NPAS2: variants seen among roughly 807,000 people sequenced by gnomAD.
NPAS2 encodes neuronal PAS domain-containing protein 2.
NPAS2 carries 23 observed loss-of-function variants against 107.5 expected under a neutral mutation model. That is an observed-to-expected ratio of 0.21 (90% CI 0.15 to 0.30). The LOEUF is 0.30. Among genes scored for constraint, NPAS2 ranks in the 10% least tolerant of loss-of-function variants. The pLI, the probability that NPAS2 is intolerant of heterozygous loss-of-function variation, is 1.00. For missense variants in NPAS2, 756 were observed against 1,043.3 expected (o/e 0.72, Z 3.79); for synonymous variants, 403 against 417.5 (o/e 0.97, Z 0.42).
intron 12 of NPAS2, among the ~76,000 whole-genome samples, chr2:100,973,175 T>C (rs1247391484): frequency 2.0e-5 from 3 of 150,620 alleles, no homozygotes; most frequent in Non-Finnish European, 3.0e-5. Flanking sequence ...CGAGACTCCG[T>C]CTCAAAAAAA....
intron 15 of NPAS2, among the ~76,000 whole-genome samples, chr2:100,980,431 G>T (rs2105271603): frequency 6.6e-6 from 1 of 152,202 alleles, no homozygotes; most frequent in East Asian, 1.9e-4. Context: ...TTGTGAGTCT[G>T]GGATAGCGCA....
intron 1 of NPAS2, among the ~76,000 whole-genome samples, chr2:100,893,284 G>A (rs1681198006): frequency 6.6e-6 from 1 of 152,178 alleles, no homozygotes; most frequent in Non-Finnish European, 1.5e-5. Flanking sequence ...GACTGGCTGG[G>A]AGGACAGAAG....
chr2:100,988,138 TCAGCAG>T lies in NPAS2; in HGVS notation c.1694_1699del (p.Gln565_Gln566del). 1 of 1,614,194 alleles carries T rather than the reference TCAGCAG, an allele frequency of 6.2e-7. No individual in the cohort carries two copies. Among genetic ancestry groups the T allele is most frequent in the Non-Finnish European group, 8.5e-7 (1 of 1,180,040 alleles). On this transcript the variant is annotated inframe_deletion, in exon 17 of 21. Coordinates refer to ENST00000335681, the MANE Select transcript of NPAS2 (RefSeq NM_002518.4). ...TCAGCAGCACCCAGCGACCTGAGGC[TCAGCAG>T]CAGCTACAGCAAAGGTCAGCTGCAG... is the stretch of plus-strand genomic sequence containing the variant.
chr2:100,835,427 A>C lies in NPAS2; in HGVS notation c.-23+15013A>C, dbSNP rs921400287. Among the ~76,000 whole-genome samples the C allele has an allele frequency of 1.1e-4, 16 of 152,164 alleles. No homozygotes were observed. In the East Asian group the frequency reaches 3.1e-3, roughly 29 times the overall value. On this transcript the variant is annotated intron_variant, in intron 1 of 20. Coordinates refer to ENST00000335681, the MANE Select transcript of NPAS2 (RefSeq NM_002518.4). ...AGGTCACTGTGCGGCGGCTGGGTGC[A>C]TGCCGGAGTAGGAAACCACTCCAGT...
At chr2:100,986,748 T>C (rs964008433) in intron 16 of NPAS2, 1 of 152,238 alleles carries the variant, frequency 6.6e-6, no homozygotes, top group Non-Finnish European at 1.5e-5. Context: ...AAAAGAGCAA[T>C]GCTCTAACTA....
chr2:100,840,347 G>GT (rs941552288), intron 1 of NPAS2, among the ~76,000 whole-genome samples: 1 of 152,134 alleles, frequency 6.6e-6, no homozygotes, highest in Non-Finnish European at 1.5e-5. Context: ...GGGACCACGT[G>GT]TTTTTTCTCC....
At chr2:100,834,416 C>T (rs534413066) in intron 1 of NPAS2, among the ~76,000 whole-genome samples, 1 of 152,168 alleles carries the variant, frequency 6.6e-6, no homozygotes, top group African/African-American at 2.4e-5. Context: ...CAGGGAGAAA[C>T]AAGGACAAGG....
intron 1 of NPAS2, among the ~76,000 whole-genome samples, chr2:100,865,305 G>A (rs542446482): frequency 5.9e-5 from 9 of 152,294 alleles, no homozygotes; most frequent in Middle Eastern, 3.4e-3. Flanking sequence ...GAAGCAGGTC[G>A]TGCTGCCGCC....
intron 6 of NPAS2, among the ~76,000 whole-genome samples, chr2:100,949,104 C>G (rs1255385509): frequency 6.6e-6 from 1 of 152,186 alleles, no homozygotes; most frequent in African/African-American, 2.4e-5. Flanking sequence ...CTAATCAATG[C>G]CAACATTACC....
chr2:100,941,866 T>A (rs1674595338), intron 5 of NPAS2, among the ~76,000 whole-genome samples: 1 of 152,200 alleles, frequency 6.6e-6, no homozygotes, highest in African/African-American at 2.4e-5. Context: ...GTTAGCTTCC[T>A]GGGTTACTTT....
chr2:100,990,820 T>C lies in NPAS2; in HGVS notation c.2059T>C (p.Ser687Pro), dbSNP rs1347560480. The C allele has an allele frequency of 6.2e-7, 1 of 1,613,866 alleles. No individual in the cohort carries two copies. Residue 687 changes from serine to proline, a missense_variant, in exon 19 of 21, where the codon TCC (serine) becomes CCC (proline). Around this residue, in one of 4 missense-constraint regions of NPAS2, gnomAD observed 496 missense variants for 594.4 expected, o/e 0.83. Transcript: ENST00000335681. ...GCCCATCCAGCCCATGATGCCCGGG[T>C]CCTGTGACGCAAGGCAGCCCTCGGA... ...SQPIQPMMPGSCDARQPSEVS... is the reference protein window; with the variant it reads ...SQPIQPMMPGPCDARQPSEVS...
chr2:100,949,736 G>A (rs756945467), intron 7 of NPAS2, among the ~76,000 whole-genome samples: 1 of 152,054 alleles, frequency 6.6e-6, no homozygotes, highest in Non-Finnish European at 1.5e-5. Flanking sequence ...ATTTATCTTC[G>A]GGCTGATGAA....
At chr2:100,970,907 A>C in intron 11 of NPAS2, 83 bp from the exon 12 acceptor site, 1 of 1,241,190 alleles carries the variant, frequency 8.1e-7, no homozygotes, top group Non-Finnish European at 1.2e-6. Flanking sequence ...GAGAACCTCG[A>C]TGTACCTTGC....
intron 16 of NPAS2, chr2:100,985,613 T>A (rs1213789000): frequency 6.6e-6 from 1 of 152,246 alleles, no homozygotes; most frequent in Non-Finnish European, 1.5e-5. Context: ...ACAGTTTTTA[T>A]ATGCCCAAAG....
At position 100,878,174 on chromosome 2, in the gene NPAS2, G is replaced by A. The variant is rs115989349; in HGVS notation, c.-22-26559G>A. 7.7e-4 allele frequency: 760 copies of A among 985,410 alleles called. 1 individual carries two copies. In the African/African-American group the frequency reaches 0.012, roughly 15 times the overall value. 61.0% of individuals were successfully genotyped at this position (985,410 alleles called of 1,614,324 possible). A position where few individuals can be genotyped will look rare whatever the true frequency, so the allele number is the denominator to read the frequency against. On this transcript the variant is annotated intron_variant, in intron 1 of 20. Coordinates refer to ENST00000335681, the MANE Select transcript of NPAS2 (RefSeq NM_002518.4). ...CAGCCTCCAGGGACCAGGTCAGTGC[G>A]TGTGGCCGTGCAAGGAGCAGTGGCC...
At chr2:100,920,152 G>C (rs1683131912) in intron 2 of NPAS2, among the ~76,000 whole-genome samples, 1 of 152,300 alleles carries the variant, frequency 6.6e-6, no homozygotes, top group East Asian at 1.9e-4. Context: ...CCTGTCAAAG[G>C]GGGAGGGAGT....
chr2:100,874,784 A>G (rs1405852858), intron 1 of NPAS2, among the ~76,000 whole-genome samples: 1 of 152,084 alleles, frequency 6.6e-6, no homozygotes, highest in Admixed American at 6.6e-5. Flanking sequence ...GTTTTCTGCA[A>G]GCGTTCTCAC....
chr2:100,848,641 A>T (rs897789597), intron 1 of NPAS2, among the ~76,000 whole-genome samples: 1 of 152,236 alleles, frequency 6.6e-6, no homozygotes, highest in Non-Finnish European at 1.5e-5. Flanking sequence ...TCTTTTCAGC[A>T]TAAATTGGTG....
intron 1 of NPAS2, among the ~76,000 whole-genome samples, chr2:100,835,658 C>T (rs1454987778): frequency 6.6e-6 from 1 of 152,174 alleles, no homozygotes; most frequent in Non-Finnish European, 1.5e-5. Context: ...TGTCTCTCCT[C>T]ATTTTGGAGT....
Sources: allele counts gnomAD v4.1 joint callset (sites outside exome capture counted in the v4.1 genomes callset), GRCh38; gene constraint gnomAD v4.1.1; regional missense constraint gnomAD v4.1.1; transcripts MANE v1.5; gene names NCBI Gene and HGNC (gene_info 2026-07-23, HGNC 2026-07-21).